PARP4: variants seen among roughly 807,000 people sequenced by gnomAD.
PARP4 encodes the protein poly(ADP-ribose) polymerase family member 4.
In PARP4, 120 loss-of-function variants were observed where a neutral mutation model predicts 187.7. The ratio of observed to expected loss-of-function variants is 0.64; its 90% CI spans 0.55 to 0.74. PARP4 has a LOEUF of 0.74. Among genes scored for constraint, PARP4 ranks in the 30% least tolerant of loss-of-function variants. The pLI, the probability that PARP4 is intolerant of heterozygous loss-of-function variation, is 0.00. For missense variants in PARP4, 1,836 were observed against 2,070.5 expected, an observed-to-expected ratio of 0.89 and a Z score of 2.20; for synonymous variants, 654 against 740.9, an observed-to-expected ratio of 0.88 and a Z score of 1.90.
chr13:24,475,147 T>C (rs898442098), intron 15 of PARP4, among the ~76,000 whole-genome samples: 2 of 152,176 alleles, frequency 1.3e-5, no homozygotes, highest in African/African-American at 4.8e-5. Flanking sequence ...ACAGCTCCTA[T>C]CTGTGAAAGC....
chr13:24,473,595 T>C (rs1385080067), intron 15 of PARP4, among the ~76,000 whole-genome samples: 1 of 152,052 alleles, frequency 6.6e-6, no homozygotes, highest in Non-Finnish European at 1.5e-5. Context: ...CCACACATGC[T>C]GTTGTTTCTT....
chr13:24,428,743 C>A (rs1270131633), intron 32 of PARP4, among the ~76,000 whole-genome samples: 4 of 152,156 alleles, frequency 2.6e-5, no homozygotes, highest in African/African-American at 9.7e-5. Context: ...AAAGTGCAGG[C>A]ATTACTGGTG....
intron 16 of PARP4, 93 bp from the exon 17 acceptor site, chr13:24,469,203 C>A: frequency 1.2e-6 from 1 of 846,356 alleles, no homozygotes; most frequent in South Asian, 1.4e-5. Flanking sequence ...AAAACCCAGG[C>A]AAAAACTAAA....
At chr13:24,427,656 T>C (rs1266598146) in intron 32 of PARP4, among the ~76,000 whole-genome samples, 3 of 152,230 alleles carry the variant, frequency 2.0e-5, no homozygotes, top group Non-Finnish European at 4.4e-5. Context: ...TATCTGCATA[T>C]ACACCATTAA....
chr13:24,453,942 C>G (rs573663634), intron 22 of PARP4, among the ~76,000 whole-genome samples: 3 of 152,128 alleles, frequency 2.0e-5, no homozygotes, highest in South Asian at 2.1e-4. Context: ...AGGGTGAAAC[C>G]CTGTCTCTGC....
intron 1 of PARP4, among the ~76,000 whole-genome samples, chr13:24,506,139 G>A (rs955004666): frequency 6.6e-6 from 1 of 152,094 alleles, no homozygotes; most frequent in Non-Finnish European, 1.5e-5. Context: ...CGGCGCGTCC[G>A]AAGTTTGTTC....
chr13:24,496,750 C>T (rs543913208), intron 6 of PARP4, among the ~76,000 whole-genome samples: 5 of 152,280 alleles, frequency 3.3e-5, no homozygotes, highest in East Asian at 1.9e-4. Flanking sequence ...GTAGGCAGGA[C>T]GCAGTGGCTC....
At chr13:24,445,026 AC>A (rs751746127) in intron 27 of PARP4, among the ~76,000 whole-genome samples, 3 of 151,820 alleles carry the variant, frequency 2.0e-5, no homozygotes. Context: ...TTTGCTCACC[AC>A]GTGTTTCTTC....
In PARP4 at chr13:24,500,355, T is replaced by C. The variant is rs775732926; in HGVS notation, c.362A>G (p.Asp121Gly). ...AGTGTCTTCCTCCTCTGTGGCACTG[T>C]CCGGGCATAGACCTTCTGTTTTCAC... Reference protein sequence around the residue: ...SEVKTEGLCPDSATEEEDTVE... With the variant: ...SEVKTEGLCPGSATEEEDTVE... The change falls in exon 4 of 34, where the codon GAC (aspartate) becomes GGC (glycine). Residue 121 changes from aspartate (D) to glycine (G), a missense_variant. Around this residue, in one of 8 missense-constraint regions of PARP4, gnomAD observed 1,147 missense variants for 1,214.2 expected, o/e 0.94. Coordinates refer to ENST00000381989, the MANE Select transcript of PARP4 (RefSeq NM_006437.4). 39 of 1,605,146 alleles carry C rather than the reference T, an allele frequency of 2.4e-5. No individual in the cohort carries two copies. The Admixed American group carries it at 6.3e-4, about 26-fold the overall frequency.
In PARP4 at chr13:24,434,946, T is replaced by C; in HGVS notation, c.4195A>G (p.Ile1399Val). ...CTTAATGAGCTCCCTGAAAAAACAA[T>C]GCCACAATAGGGTGAAGAAGGTGGG... ...QNPPSSPYCG[I>V]VFSGSSLSSA... Residue 1399 changes from isoleucine (I) to valine (V), a missense_variant, in exon 31 of 34, where the codon ATT becomes GTT. By Grantham distance (29) the Ile-to-Val change is conservative. Coordinates refer to ENST00000381989, the MANE Select transcript of PARP4 (RefSeq NM_006437.4). The C allele has an allele frequency of 6.2e-7, 1 of 1,613,838 alleles. No individual in the cohort carries two copies. The highest frequency in any genetic ancestry group is 8.5e-7 in the Non-Finnish European group (1 of 1,179,906).
At chr13:24,461,119 A>G (rs1395476614) in intron 17 of PARP4, among the ~76,000 whole-genome samples, 1 of 152,212 alleles carries the variant, frequency 6.6e-6, no homozygotes, top group Non-Finnish European at 1.5e-5. Flanking sequence ...TCCTCTCAAC[A>G]TCCCCAACTA....
chr13:24,469,088 T>G lies in PARP4; in HGVS notation c.2069A>C (p.Gln690Pro), dbSNP rs375596136. ...VGEIKEKEEAQQEYLEAVTQG... is the reference protein window; with the variant it reads ...VGEIKEKEEAPQEYLEAVTQG... ...GGTCACGGCTTCTAGGTACTCTTGCTGGGCTTCTTCCTTCTCTTTAATCTG... is the reference window on the plus strand; with the variant it reads ...GGTCACGGCTTCTAGGTACTCTTGCGGGGCTTCTTCCTTCTCTTTAATCTG... The change falls in exon 17 of 34, where the codon CAG (glutamine) becomes CCG (proline). Residue 690 changes from glutamine (Q) to proline (P), a missense_variant. Around this residue, in one of 8 missense-constraint regions of PARP4, gnomAD observed 1,147 missense variants for 1,214.2 expected, o/e 0.94. Transcript: ENST00000381989. 6.2e-6 allele frequency: 10 copies of G among 1,613,126 alleles called. No homozygotes were observed. In the Admixed American group the frequency reaches 1.5e-4, roughly 24 times the overall value.
intron 31 of PARP4, among the ~76,000 whole-genome samples, chr13:24,432,482 A>C (rs554794424): frequency 1.3e-4 from 20 of 152,276 alleles, no homozygotes; most frequent in African/African-American, 4.8e-4. Context: ...ATCACTTATC[A>C]ATGCCATGAA....
At chr13:24,475,933 C>T (rs1348702650) in intron 14 of PARP4, among the ~76,000 whole-genome samples, 1 of 151,984 alleles carries the variant, frequency 6.6e-6, no homozygotes, top group Non-Finnish European at 1.5e-5. Flanking sequence ...TATAGGCATG[C>T]ACCACAATGC....
intron 15 of PARP4, among the ~76,000 whole-genome samples, chr13:24,472,798 G>A (rs375007804): frequency 1.3e-5 from 2 of 151,306 alleles, no homozygotes; most frequent in African/African-American, 4.9e-5. Context: ...GCTTTGACCA[G>A]TTCTTACTCA....
rs560374015 is a variant in PARP4, at chr13:24,446,859, A to G, written c.3286-98T>C. On this transcript the variant is annotated intron_variant, in intron 26 of 33. Transcript: ENST00000381989. ...TTTGGTGATTTTCTCTCCCCTTTCAATAAAAACTAGAAGCCTCCCCAAAGC... is the reference window on the plus strand; with the variant it reads ...TTTGGTGATTTTCTCTCCCCTTTCAGTAAAAACTAGAAGCCTCCCCAAAGC... The G allele has an allele frequency of 2.4e-4, 333 of 1,375,574 alleles. 3 individuals carry two copies. The highest frequency in any genetic ancestry group is 1.7e-3 in the South Asian group (132 of 75,972). 85.2% of individuals were successfully genotyped at this position (1,375,574 alleles called of 1,614,324 possible).
intron 30 of PARP4, among the ~76,000 whole-genome samples, chr13:24,439,259 C>T (rs901621387): frequency 2.0e-5 from 3 of 150,874 alleles, no homozygotes; most frequent in African/African-American, 4.9e-5. Context: ...CCCAGGAGGT[C>T]GAGGCTGCGG....
chr13:24,426,725 T>TAAA, intron 32 of PARP4, 127 bp from the exon 33 acceptor site: 3 of 635,466 alleles, frequency 4.7e-6, no homozygotes, highest in African/African-American at 2.0e-5. Context: ...CCATCTCTGC[T>TAAA]AAAAAAAAAA....
chr13:24,476,250 A>T (rs923919811), intron 14 of PARP4, among the ~76,000 whole-genome samples: 1 of 151,824 alleles, frequency 6.6e-6, no homozygotes, highest in African/African-American at 2.4e-5. Flanking sequence ...AGTAGCTGCG[A>T]CTACAGACAT....
Sources: gnomAD v4.1 joint callset for allele counts (sites outside exome capture counted in the v4.1 genomes callset) on GRCh38, gnomAD v4.1.1 for gene constraint, gnomAD v4.1.1 regional missense constraint, MANE v1.5 for transcripts, NCBI Gene and HGNC (gene_info 2026-07-23, HGNC 2026-07-21) for gene names.